FARP2: variants seen among roughly 807,000 people sequenced by gnomAD.
FARP2 encodes the protein FERM, ARHGEF and pleckstrin domain-containing protein 2.
In FARP2, 111 loss-of-function variants were observed where a neutral mutation model predicts 130.5. The ratio of observed to expected loss-of-function variants is 0.85; its 90% CI spans 0.73 to 1.00. FARP2 has a LOEUF of 1.00. FARP2 is among the 50% of genes least tolerant of loss of function. The pLI is 0.00. For synonymous variants in FARP2, 504 were observed against 516.9 expected, an observed-to-expected ratio of 0.98 and a Z score of 0.34; for missense variants, 1,385 against 1,346.3, an observed-to-expected ratio of 1.03 and a Z score of -0.45.
intron 7 of FARP2, 74 bp downstream of exon 7, chr2:241,413,495 TG>T: frequency 9.5e-7 from 1 of 1,051,652 alleles, no homozygotes; most frequent in Non-Finnish European, 1.4e-6. Context: ...GAGAAAGGAC[TG>T]TTGTCGTGAC....
intron 2 of FARP2, among the ~76,000 whole-genome samples, chr2:241,378,429 T>TTTTTTTTTTG (rs1575474116): frequency 6.7e-6 from 1 of 149,450 alleles, no homozygotes. Context: ...TTTTTTTTTT[T>TTTTTTTTTTG]GAGTCAGGAT....
rs568746973 is a variant in FARP2 at position 241,421,504 on chromosome 2, G to T, written c.771+3395G>T. 5.4e-4 allele frequency among the ~76,000 whole-genome samples: 83 copies of T among 152,304 alleles called. 1 individual carries two copies. In the South Asian group the frequency reaches 0.016, roughly 30 times the overall value. Reference sequence around the variant, plus strand: ...TGGATCCAAGTTCCTGCGGGGGCGGGGTGGCCACCATCTCTAGTTTGGTTG... The same window carrying T: ...TGGATCCAAGTTCCTGCGGGGGCGGTGTGGCCACCATCTCTAGTTTGGTTG... On this transcript the variant is annotated intron_variant, in intron 8 of 26. Coordinates refer to ENST00000264042, the MANE Select transcript of FARP2 (RefSeq NM_014808.4).
chr2:241,443,944 G>C (rs980647324), intron 13 of FARP2: 1 of 152,268 alleles, frequency 6.6e-6, no homozygotes. Flanking sequence ...CGTGGCTCAG[G>C]TGTCTGAGCC....
chr2:241,465,254 A>T (rs968779380), intron 17 of FARP2, among the ~76,000 whole-genome samples: 1 of 152,134 alleles, frequency 6.6e-6, no homozygotes, highest in Non-Finnish European at 1.5e-5. Context: ...TCTGCCCAGA[A>T]CAGCATCCTC....
chr2:241,434,313 C>T lies in FARP2; in HGVS notation c.1023C>T (p.Phe341=). 6.2e-7 allele frequency: 1 copy of T among 1,611,518 alleles called. No individual in the cohort carries two copies. The highest frequency in any genetic ancestry group is 8.5e-7 in the Non-Finnish European group (1 of 1,179,138). Residue 341 remains phenylalanine, a synonymous_variant, in exon 10 of 27, where the codon TTC becomes TTT. Coordinates refer to ENST00000264042, the MANE Select transcript of FARP2 (RefSeq NM_014808.4). ...TCTTCTTCAGCCGGGGCTCCTCCTT[C>T]AGATACAGGTAGGGGCCATGCCGTG... is the stretch of plus-strand genomic sequence containing the variant. ...KAVFFSRGSS[F]RYSGRTQKQL... is the part of the protein sequence containing the mutation.
At position 241,483,974 on chromosome 2, in the gene FARP2, C is replaced by T. The variant is rs2064690690; in HGVS notation, c.2332-268C>T. ...CATGTGGATGAGGAGGTAACTGAGT[C>T]AGCACCAGCCAGAATTCCTTACTGC... On this transcript the variant is annotated intron_variant, in intron 20 of 26. Coordinates refer to ENST00000264042, the MANE Select transcript of FARP2 (RefSeq NM_014808.4). 4.6e-6 allele frequency: 6 copies of T among 1,312,070 alleles called. No individual in the cohort carries two copies. In the East Asian group the frequency reaches 1.7e-4, roughly 38 times the overall value. The allele number at this position is 1,312,070 out of a possible 1,614,324, so 81.3% of individuals were successfully genotyped here.
chr2:241,378,292 G>T (rs1196939759), intron 2 of FARP2, among the ~76,000 whole-genome samples: 1 of 149,964 alleles, frequency 6.7e-6, no homozygotes, highest in Admixed American at 6.7e-5. Flanking sequence ...TGTATTTTTA[G>T]TAGAGACGGG....
chr2:241,466,254 C>T (rs950790507), intron 17 of FARP2: 1 of 985,336 alleles, frequency 1.0e-6, no homozygotes, highest in African/African-American at 1.7e-5. Flanking sequence ...AGTGTGGTCC[C>T]TGGAGCCCCG....
At chr2:241,473,657 T>C (rs2064375016) in intron 18 of FARP2, among the ~76,000 whole-genome samples, 1 of 151,992 alleles carries the variant, frequency 6.6e-6, no homozygotes, top group African/African-American at 2.4e-5. Context: ...GCTCTTTGAG[T>C]GGATTCAAGC....
chr2:241,460,271 C>G (rs777025766), intron 14 of FARP2, among the ~76,000 whole-genome samples: 43 of 152,104 alleles, frequency 2.8e-4, no homozygotes, highest in Non-Finnish European at 5.9e-4. Flanking sequence ...GCATATCAAG[C>G]TCAGGTGGAG....
At chr2:241,463,192 C>A in intron 15 of FARP2, 143 bp from the exon 16 acceptor site, 1 of 728,714 alleles carries the variant, frequency 1.4e-6, no homozygotes. Context: ...AAGAGGATGG[C>A]TGTAGTGCTG....
intron 2 of FARP2, among the ~76,000 whole-genome samples, chr2:241,400,477 C>G (rs2062139861): frequency 6.6e-6 from 1 of 152,116 alleles, no homozygotes; most frequent in Non-Finnish European, 1.5e-5. Context: ...GCAGCAATGC[C>G]AAAGGGCAGT....
At chr2:241,443,748 T>C (rs1271741621) in intron 13 of FARP2, 1 of 152,298 alleles carries the variant, frequency 6.6e-6, no homozygotes, top group Non-Finnish European at 1.5e-5. Flanking sequence ...ATTTGTCAAG[T>C]CCACAGATAG....
In FARP2 at chr2:241,391,907, T is replaced by G. The variant is rs139923218; in HGVS notation, c.184-11921T>G. Among the ~76,000 whole-genome samples the G allele has an allele frequency of 7.9e-5, 12 of 152,298 alleles. No individual in the cohort carries two copies. In the East Asian group the frequency reaches 2.1e-3, roughly 27 times the overall value. ...TACCAGTAATTTGAACAGGGAAATT[T>G]AATAGAAATAATGATTAACCAGCAA... On this transcript the variant is annotated intron_variant, in intron 2 of 26. Coordinates refer to ENST00000264042, the MANE Select transcript of FARP2 (RefSeq NM_014808.4).
intron 8 of FARP2, among the ~76,000 whole-genome samples, chr2:241,421,507 G>A (rs892983907): frequency 6.6e-6 from 1 of 152,180 alleles, no homozygotes; most frequent in Non-Finnish European, 1.5e-5. Flanking sequence ...GGGGCGGGGT[G>A]GCCACCATCT....
chr2:241,468,386 G>A lies in FARP2; in HGVS notation c.2131+9G>A. On this transcript the variant is annotated intron_variant, in intron 18 of 26. Coordinates refer to ENST00000264042, the MANE Select transcript of FARP2 (RefSeq NM_014808.4). ...CTACGCTGACTGCCATGGTGAGTGT[G>A]GGTGCGGCCCTGCATCTCAAGGATC... 6.3e-7 allele frequency: 1 copy of A among 1,599,406 alleles called. No homozygotes were observed.
At chr2:241,407,516 G>T in intron 4 of FARP2, 21 bp from the exon 5 acceptor site, 1 of 1,596,804 alleles carries the variant, frequency 6.3e-7, no homozygotes. Context: ...TATTTGTGAA[G>T]TTTAAATTTT....
At position 241,489,989 on chromosome 2, in the gene FARP2, G is replaced by A; in HGVS notation, c.2449G>A (p.Val817Ile). 1 of 1,613,920 alleles carries A rather than the reference G, an allele frequency of 6.2e-7. No individual in the cohort carries two copies. The highest frequency in any genetic ancestry group is 1.7e-5 in the Admixed American group (1 of 60,022). ...GGAAGAAAGTGATAACGAGTGGTCTGTTCCACACTGTTTCACCATCTACGC... is the reference window on the plus strand; with the variant it reads ...GGAAGAAAGTGATAACGAGTGGTCTATTCCACACTGTTTCACCATCTACGC... ...LVEESDNEWS[V>I]PHCFTIYAAQ... is the part of the protein sequence containing the mutation. The change falls in exon 22 of 27, where the codon GTT becomes ATT. Residue 817 changes from valine (V) to isoleucine (I), a missense_variant. Physicochemically the swap from Val to Ile is conservative, Grantham distance 29 (BLOSUM62 3). Coordinates refer to ENST00000264042, the MANE Select transcript of FARP2 (RefSeq NM_014808.4).
chr2:241,493,737 G>A lies in FARP2; in HGVS notation c.3048-271G>A, dbSNP rs573722102. The A allele has an allele frequency of 2.6e-5, 13 of 495,692 alleles. No individual in the cohort carries two copies. In the South Asian group the frequency reaches 3.6e-4, roughly 14 times the overall value. 30.7% of individuals were successfully genotyped at this position (495,692 alleles called of 1,614,324 possible). On this transcript the variant is annotated intron_variant, in intron 26 of 26. Transcript: ENST00000264042. ...AGCCTCCTGAGTAACTGAGATTACA[G>A]GCATGCACGCCACGCCGCCTGGCTA...
Sources: allele counts gnomAD v4.1 joint callset (sites outside exome capture counted in the v4.1 genomes callset), GRCh38; gene constraint gnomAD v4.1.1; transcripts MANE v1.5; gene names NCBI Gene and HGNC (gene_info 2026-07-23, HGNC 2026-07-21).